Variants in NRXN1 observed in about 807,000 individuals in gnomAD.
The protein encoded by NRXN1 is neurexin 1.
NRXN1 carries 39 observed loss-of-function variants against 150.9 expected under a neutral mutation model. The ratio of observed to expected loss-of-function variants is 0.26; its 90% CI spans 0.20 to 0.34. NRXN1 has a LOEUF of 0.34. NRXN1 is among the 10% of genes least tolerant of loss of function. The probability of loss-of-function intolerance (pLI) is 1.00; values close to 1 mark genes in which losing one functional copy is unlikely to be tolerated. For synonymous variants in NRXN1, 924 were observed against 757.0 expected, an observed-to-expected ratio of 1.22 and a Z score of -3.62; for missense variants, 1,815 against 1,949.9, an observed-to-expected ratio of 0.93 and a Z score of 1.30.
rs577591160 is a variant in NRXN1, at chr2:50,255,988, T to C, written c.3365-19018A>G. The stretch of plus-strand genomic sequence containing the variant: ...TCATATGACTTTTGGGTAGATGCTA[T>C]TGAAATGATGATTTTAGTCAGATGT... On this transcript the variant is annotated intron_variant, in intron 17 of 22. Coordinates refer to ENST00000401669, the MANE Select transcript of NRXN1 (RefSeq NM_001330078.2). Among the ~76,000 whole-genome samples, 4 of 152,302 alleles carry C rather than the reference T, an allele frequency of 2.6e-5. No individual in the cohort carries two copies. The East Asian group carries it at 5.8e-4, about 22-fold the overall frequency.
At chr2:50,254,066 C>T (rs1457933121) in intron 17 of NRXN1, among the ~76,000 whole-genome samples, 2 of 151,814 alleles carry the variant, frequency 1.3e-5, no homozygotes, top group Non-Finnish European at 2.9e-5. Flanking sequence ...GGTTGGTAGG[C>T]TATTTATTAC....
intron 17 of NRXN1, among the ~76,000 whole-genome samples, chr2:50,407,370 T>C (rs1049967960): frequency 2.0e-5 from 3 of 152,202 alleles, no homozygotes; most frequent in African/African-American, 4.8e-5. Context: ...GCAATGATAC[T>C]ATTATCCTCT....
chr2:50,584,641 C>G (rs951351231), intron 8 of NRXN1, among the ~76,000 whole-genome samples: 2 of 152,178 alleles, frequency 1.3e-5, no homozygotes, highest in African/African-American at 4.8e-5. Context: ...CAAAGAAGAG[C>G]AGGTTTTCTC....
At chr2:50,183,572 G>C (rs2060876639) in intron 18 of NRXN1, among the ~76,000 whole-genome samples, 1 of 151,476 alleles carries the variant, frequency 6.6e-6, no homozygotes, top group Admixed American at 6.6e-5. Flanking sequence ...TGTTCTTGCT[G>C]ATTCAATATT....
intron 21 of NRXN1, among the ~76,000 whole-genome samples, chr2:50,009,187 A>T (rs1297760930): frequency 1.3e-5 from 2 of 152,138 alleles, no homozygotes; most frequent in Admixed American, 1.3e-4. Flanking sequence ...TACCATGGCT[A>T]TGGGACCTGC....
chr2:50,278,293 T>A (rs1175962441), intron 17 of NRXN1, among the ~76,000 whole-genome samples: 2 of 126,698 alleles, frequency 1.6e-5, no homozygotes, highest in African/African-American at 6.3e-5. Context: ...ATAATACATA[T>A]ATAATATATA....
intron 5 of NRXN1, among the ~76,000 whole-genome samples, chr2:50,679,755 G>T (rs1690093318): frequency 6.6e-6 from 1 of 152,096 alleles, no homozygotes; most frequent in Non-Finnish European, 1.5e-5. Context: ...TGAATGACAT[G>T]GTTACTGTTA....
chr2:50,360,782 C>A (rs1051376994), intron 17 of NRXN1, among the ~76,000 whole-genome samples: 7 of 152,184 alleles, frequency 4.6e-5, no homozygotes, highest in Admixed American at 4.6e-4. Context: ...ATCTCCAGAA[C>A]TCTCCACCCC....
chr2:50,270,932 T>A (rs2069529201), intron 17 of NRXN1, among the ~76,000 whole-genome samples: 1 of 152,180 alleles, frequency 6.6e-6, no homozygotes, highest in African/African-American at 2.4e-5. Flanking sequence ...GTGCTGGGAT[T>A]ACAGGCATGA....
At chr2:50,058,469 A>G (rs2152637683) in intron 19 of NRXN1, among the ~76,000 whole-genome samples, 1 of 152,346 alleles carries the variant, frequency 6.6e-6, no homozygotes, top group East Asian at 1.9e-4. Flanking sequence ...ATGAATGGAA[A>G]ATCAGATGGT....
At chr2:50,997,091 T>C (rs1364778138) in intron 2 of NRXN1, among the ~76,000 whole-genome samples, 3 of 152,092 alleles carry the variant, frequency 2.0e-5, no homozygotes, top group Non-Finnish European at 4.4e-5. Flanking sequence ...CCAGGCACAG[T>C]GGCTCATGCC....
chr2:51,004,751 T>C (rs1208413343), intron 2 of NRXN1, among the ~76,000 whole-genome samples: 2 of 151,998 alleles, frequency 1.3e-5, no homozygotes, highest in Non-Finnish European at 2.9e-5. Context: ...TGTATTATTT[T>C]TCAAGGAGGG....
intron 5 of NRXN1, among the ~76,000 whole-genome samples, chr2:50,720,113 C>A (rs1029793899): frequency 5.9e-5 from 9 of 152,176 alleles, no homozygotes; most frequent in Non-Finnish European, 1.2e-4. Context: ...TGCTGTAGAT[C>A]TGTCCAGCAA....
Position 50,985,865 on chromosome 2 carries a change from C to T in NRXN1, c.772+41637G>A, listed in dbSNP as rs1697614204. ...AAAAGACTATATAATGGCTGATAAA[C>T]ATATTTGTCCCATATATGACTTACA... On this transcript the variant is annotated intron_variant, in intron 2 of 22. Coordinates refer to ENST00000401669, the MANE Select transcript of NRXN1 (RefSeq NM_001330078.2). 2.0e-5 allele frequency among the ~76,000 whole-genome samples: 3 copies of T among 151,666 alleles called. No homozygotes were observed. In the South Asian group the frequency reaches 6.2e-4, roughly 32 times the overall value.
chr2:51,015,755 G>A (rs888126626), intron 2 of NRXN1, among the ~76,000 whole-genome samples: 11 of 151,838 alleles, frequency 7.2e-5, no homozygotes, highest in African/African-American at 2.7e-4. Flanking sequence ...AATAAAGGGT[G>A]AACAGGACAG....
At chr2:50,295,673 C>G (rs141600661) in intron 17 of NRXN1, among the ~76,000 whole-genome samples, 564 of 152,194 alleles carry the variant, frequency 3.7e-3, no homozygotes, top group African/African-American at 0.013. Flanking sequence ...CTGAACCAGT[C>G]TTTTGGGACA....
At chr2:50,788,329 C>T (rs1233078320) in intron 5 of NRXN1, among the ~76,000 whole-genome samples, 6 of 151,960 alleles carry the variant, frequency 3.9e-5, no homozygotes, top group Non-Finnish European at 8.8e-5. Context: ...ACCTCGTGAT[C>T]CGCCGCCTCG....
At chr2:50,665,793 T>C (rs753646714) in intron 5 of NRXN1, among the ~76,000 whole-genome samples, 17 of 151,938 alleles carry the variant, frequency 1.1e-4, no homozygotes, top group Non-Finnish European at 2.5e-4. Flanking sequence ...ATCTGGATTA[T>C]GCAGTGTAGA....
intron 17 of NRXN1, among the ~76,000 whole-genome samples, chr2:50,396,482 T>C (rs1434910586): frequency 2.0e-5 from 3 of 152,168 alleles, no homozygotes; most frequent in Admixed American, 2.0e-4. Flanking sequence ...TATCACACCC[T>C]GCTTGAATTT....
Sources: allele counts gnomAD v4.1 joint callset (sites outside exome capture counted in the v4.1 genomes callset), GRCh38; gene constraint gnomAD v4.1.1; transcripts MANE v1.5; gene names NCBI Gene and HGNC (gene_info 2026-07-23, HGNC 2026-07-21).